Variants in MALRD1 observed in about 807,000 individuals in gnomAD.
The protein encoded by MALRD1 is MAM and LDL receptor class A domain containing 1.
In MALRD1, 247 loss-of-function variants were observed where a neutral mutation model predicts 242.1. The ratio of observed to expected loss-of-function variants is 1.02; its 90% CI spans 0.92 to 1.13. The LOEUF (loss-of-function observed/expected upper bound fraction) is 1.13, where lower values mean the gene tolerates loss of function less well. Ranked by LOEUF, MALRD1 falls within the 50% of genes most tolerant of loss-of-function variation. MALRD1 has a pLI of 0.00. For synonymous variants in MALRD1, 995 were observed against 866.6 expected, an observed-to-expected ratio of 1.15 and a Z score of -2.60; for missense variants, 2,989 against 2,533.1, an observed-to-expected ratio of 1.18 and a Z score of -3.86.
In MALRD1 at chr10:19,434,944, G is replaced by A. The variant is rs535575320; in HGVS notation, c.4846-15363G>A. On this transcript the variant is annotated intron_variant, in intron 28 of 39. Transcript: ENST00000454679. ...AAAATTAACAACAAAATAATTATTG[G>A]ACATACCAGACACAAAAAGAAAGTT... Among the ~76,000 whole-genome samples, 17 of 151,482 alleles carry A rather than the reference G, an allele frequency of 1.1e-4. No individual in the cohort carries two copies. In the South Asian group the frequency reaches 3.5e-3, roughly 31 times the overall value.
chr10:19,491,381 G>A, intron 29 of MALRD1, 136 bp from the exon 30 acceptor site: 1 of 1,024,046 alleles, frequency 9.8e-7, no homozygotes, highest in Non-Finnish European at 1.4e-6. Flanking sequence ...AGGAAGTTGG[G>A]GAAGTCCATC....
At chr10:19,733,499 T>C (rs887291525) in intron 39 of MALRD1, among the ~76,000 whole-genome samples, 9 of 152,092 alleles carry the variant, frequency 5.9e-5, no homozygotes, top group Admixed American at 1.3e-4. Flanking sequence ...ATTGTCTCAT[T>C]AAAACCTAAA....
At chr10:19,678,018 A>G (rs60886367) in intron 36 of MALRD1, among the ~76,000 whole-genome samples, 3,750 of 152,102 alleles carry the variant, frequency 0.025, 82 homozygotes, top group African/African-American at 0.055. Context: ...ATTCTGTTCC[A>G]TTGGTCTATG....
Position 19,278,448 on chromosome 10 carries a change from TCC to T in MALRD1, c.3080-1598_3080-1597del, listed in dbSNP as rs1415707341. Among the ~76,000 whole-genome samples the T allele has an allele frequency of 5.0e-4, 74 of 146,616 alleles. 2 individuals carry two copies. Among genetic ancestry groups the T allele is most frequent in the African/African-American group, 1.9e-3 (73 of 37,612 alleles). ...ACTCTGGTATTCATTCATCTGTCCA[TCC>T]ATCCATCCATCCATCCATCCATCCA... On this transcript the variant is annotated intron_variant, in intron 19 of 39. Coordinates refer to ENST00000454679, the MANE Select transcript of MALRD1 (RefSeq NM_001142308.3).
At position 19,352,127 on chromosome 10, in the gene MALRD1, G is replaced by A. The variant is rs747079785; in HGVS notation, c.4271G>A (p.Arg1424Gln). The change falls in exon 26 of 40, where the codon CGG (arginine) becomes CAG (glutamine). Residue 1424 changes from arginine to glutamine, a missense_variant. Physicochemically the swap from Arg to Gln is conservative, Grantham distance 43 (BLOSUM62 1). Transcript: ENST00000454679. ...ACTGTAGAACAAGGCAATTTCTGGC[G>A]GAGAGAAGAACTGTCACTGTTTGGT... Reference protein sequence around the residue: ...NLTVEQGNFWRREELSLFGDE... With the variant: ...NLTVEQGNFWQREELSLFGDE... 34 of 1,550,514 alleles carry A rather than the reference G, an allele frequency of 2.2e-5. No homozygotes were observed. The highest frequency in any genetic ancestry group is 1.2e-4 in the Admixed American group (6 of 50,976).
intron 21 of MALRD1, among the ~76,000 whole-genome samples, chr10:19,314,029 A>G (rs1842537728): frequency 2.0e-5 from 3 of 151,734 alleles, no homozygotes; most frequent in African/African-American, 7.2e-5. Context: ...TACTTCATAA[A>G]GGAGAATTTC....
intron 25 of MALRD1, among the ~76,000 whole-genome samples, chr10:19,351,195 C>T (rs532614949): frequency 9.2e-5 from 14 of 152,228 alleles, no homozygotes; most frequent in African/African-American, 1.9e-4. Context: ...AGAACAATTT[C>T]ATCACTGTTT....
At chr10:19,502,034 AAG>A (rs1475922635) in intron 31 of MALRD1, among the ~76,000 whole-genome samples, 48 of 129,328 alleles carry the variant, frequency 3.7e-4, no homozygotes, top group African/African-American at 1.8e-3. Flanking sequence ...AAGAAAAGAA[AAG>A]AAAAGAAAAG....
intron 26 of MALRD1, among the ~76,000 whole-genome samples, chr10:19,362,845 G>T (rs1294051937): frequency 6.6e-6 from 1 of 152,092 alleles, no homozygotes; most frequent in Non-Finnish European, 1.5e-5. Context: ...AGCAAGAAAT[G>T]ATAATACCAT....
intron 38 of MALRD1, among the ~76,000 whole-genome samples, chr10:19,714,873 T>C (rs1834311386): frequency 6.6e-6 from 1 of 152,070 alleles, no homozygotes; most frequent in South Asian, 2.1e-4. Context: ...ATTGTGAAAC[T>C]ATCACCCCTA....
chr10:19,254,402 A>G (rs1175869728), intron 18 of MALRD1, among the ~76,000 whole-genome samples: 2 of 152,048 alleles, frequency 1.3e-5, no homozygotes, highest in Admixed American at 6.6e-5. Flanking sequence ...TTATTAACAA[A>G]GCCTGTATAA....
chr10:19,520,043 C>T (rs1319645157), intron 31 of MALRD1, among the ~76,000 whole-genome samples: 5 of 152,196 alleles, frequency 3.3e-5, no homozygotes, highest in South Asian at 2.1e-4. Flanking sequence ...TGTCAATCAC[C>T]GTGCACCTGA....
chr10:19,326,200 G>A (rs1432179078), intron 22 of MALRD1, among the ~76,000 whole-genome samples: 1 of 151,922 alleles, frequency 6.6e-6, no homozygotes, highest in East Asian at 1.9e-4. Flanking sequence ...ATGTTTTCAG[G>A]CAAAACAATT....
intron 11 of MALRD1, among the ~76,000 whole-genome samples, chr10:19,154,662 G>A (rs1329743953): frequency 3.3e-5 from 5 of 152,154 alleles, no homozygotes; most frequent in African/African-American, 9.7e-5. Flanking sequence ...TAAGACCCAG[G>A]AGAAACTAAA....
At position 19,124,577 on chromosome 10, in the gene MALRD1, T is replaced by A; in HGVS notation, c.850T>A (p.Ser284Thr). Residue 284 changes from serine (S) to threonine (T), a missense_variant, in exon 7 of 40, where the codon TCT becomes ACT. Transcript: ENST00000454679. ...CATGTGTGAGTGGACGTCAGAAGCATCTGCTGGCCAAATTTCCTGGATGCG... is the reference window on the plus strand; with the variant it reads ...CATGTGTGAGTGGACGTCAGAAGCAACTGCTGGCCAAATTTCCTGGATGCG... The part of the protein sequence containing the change: ...FDMCEWTSEA[S>T]AGQISWMRTK... The A allele has an allele frequency of 8.1e-7, 1 of 1,233,858 alleles. No individual in the cohort carries two copies. The highest frequency in any genetic ancestry group is 1.0e-6 in the Non-Finnish European group (1 of 988,112). The allele number at this position is 1,233,858 out of a possible 1,614,324, so 76.4% of individuals were successfully genotyped here.
rs117326053 is a variant in MALRD1 at position 19,671,542 on chromosome 10, G to A, written c.6138-20740G>A. 2.8e-3 allele frequency among the ~76,000 whole-genome samples: 429 copies of A among 152,016 alleles called. 13 individuals carry two copies. The East Asian group carries it at 0.053, about 19-fold the overall frequency. Reference sequence around the variant, plus strand: ...TTGAGGCAAGAGAACCACTTGAACCGAGGAGGCGGAGGATAGAGTGAGCTG... The same window carrying A: ...TTGAGGCAAGAGAACCACTTGAACCAAGGAGGCGGAGGATAGAGTGAGCTG... On this transcript the variant is annotated intron_variant, in intron 36 of 39. Coordinates refer to ENST00000454679, the MANE Select transcript of MALRD1 (RefSeq NM_001142308.3).
rs148175053 is a variant in MALRD1, at chr10:19,217,840, T to C, written c.2991+8160T>C. Among the ~76,000 whole-genome samples, 9 of 152,292 alleles carry C rather than the reference T, an allele frequency of 5.9e-5. No homozygotes were observed. In the East Asian group the frequency reaches 1.7e-3, roughly 29 times the overall value. On this transcript the variant is annotated intron_variant, in intron 18 of 39. Coordinates refer to ENST00000454679, the MANE Select transcript of MALRD1 (RefSeq NM_001142308.3). ...CTCCCAATCAATCATGCGGTCTTTA[T>C]ACTTACTTGTTTACTTGCCTGTGAG... is the stretch of plus-strand genomic sequence containing the variant.
upstream of MALRD1, among the ~76,000 whole-genome samples, chr10:19,047,481 G>C (rs1436917754): frequency 6.6e-6 from 1 of 151,982 alleles, no homozygotes; most frequent in Admixed American, 6.6e-5. Flanking sequence ...AGAGTGAAGA[G>C]AGAGCCTAGA....
intron 1 of MALRD1, among the ~76,000 whole-genome samples, chr10:19,053,108 C>T (rs768419687): frequency 1.3e-5 from 2 of 152,098 alleles, no homozygotes; most frequent in African/African-American, 2.4e-5. Context: ...TCAGCTGATG[C>T]ATTGTTTTTA....
Sources: gnomAD v4.1 joint callset for allele counts (sites outside exome capture counted in the v4.1 genomes callset) on GRCh38, gnomAD v4.1.1 for gene constraint, MANE v1.5 for transcripts, NCBI Gene and HGNC (gene_info 2026-07-23, HGNC 2026-07-21) for gene names.